Variants in RYR2 observed in about 807,000 individuals in gnomAD.
RYR2 encodes ryanodine receptor 2.
RYR2 carries 227 observed loss-of-function variants against 601.1 expected under a neutral mutation model. That is an observed-to-expected ratio of 0.38 (90% confidence interval 0.34 to 0.42). The LOEUF (loss-of-function observed/expected upper bound fraction) is 0.42. Ranked by LOEUF, RYR2 falls within the 10% of genes least tolerant of loss-of-function variation. The pLI is 1.00. For synonymous variants in RYR2, 2,223 were observed against 2,175.1 expected, an observed-to-expected ratio of 1.02 and a Z score of -0.61; for missense variants, 4,646 against 6,156.5, an observed-to-expected ratio of 0.75 and a Z score of 8.21.
chr1:237,430,593 A>G (rs1243992476), intron 12 of RYR2, among the ~76,000 whole-genome samples: 29 of 152,202 alleles, frequency 1.9e-4, no homozygotes, highest in Admixed American at 5.9e-4. Flanking sequence ...TTAACTTAAA[A>G]AATGTATCTC....
chr1:237,079,440 C>G (rs1207388792), intron 1 of RYR2, among the ~76,000 whole-genome samples: 2 of 48,510 alleles, frequency 4.1e-5, no homozygotes, highest in Admixed American at 2.7e-4. Flanking sequence ...TCTCAGGATA[C>G]AAAATCAATG....
intron 2 of RYR2, among the ~76,000 whole-genome samples, chr1:237,298,103 T>A (rs1692983564): frequency 6.6e-6 from 1 of 152,022 alleles, no homozygotes. Context: ...GGAATGGGAA[T>A]CATTTGTTCC....
At chr1:237,054,938 G>A (rs1400603282) in intron 1 of RYR2, among the ~76,000 whole-genome samples, 2 of 152,026 alleles carry the variant, frequency 1.3e-5, no homozygotes, top group Non-Finnish European at 2.9e-5. Flanking sequence ...CCTGTTCTAT[G>A]TTCAGGAGCC....
intron 29 of RYR2, among the ~76,000 whole-genome samples, chr1:237,577,305 T>C (rs1409588965): frequency 6.6e-6 from 1 of 152,212 alleles, no homozygotes; most frequent in Non-Finnish European, 1.5e-5. Flanking sequence ...GTAGGCCGAA[T>C]AATGTCCTCC....
At chr1:237,102,748 G>A (rs1668255214) in intron 1 of RYR2, among the ~76,000 whole-genome samples, 2 of 152,074 alleles carry the variant, frequency 1.3e-5, no homozygotes, top group Admixed American at 6.5e-5. Flanking sequence ...CCCGCTACTC[G>A]GGAGGCTGAG....
chr1:237,713,380 T>TTTTTTG (rs1052889377), intron 71 of RYR2, among the ~76,000 whole-genome samples: 1 of 152,072 alleles, frequency 6.6e-6, no homozygotes, highest in Non-Finnish European at 1.5e-5. Context: ...AAAAAATTAT[T>TTTTTTG]TTTTTGTTTT....
intron 2 of RYR2, among the ~76,000 whole-genome samples, chr1:237,303,292 C>CTTTTTTT (rs386370109): frequency 1.3e-4 from 11 of 85,248 alleles, no homozygotes; most frequent in South Asian, 4.7e-4. Context: ...CTGCGGTTAT[C>CTTTTTTT]TTTTTTTTTT....
chr1:237,337,886 T>C (rs886305977), intron 3 of RYR2, among the ~76,000 whole-genome samples: 1 of 152,200 alleles, frequency 6.6e-6, no homozygotes. Context: ...TAAAACAACA[T>C]ACATTTATTA....
intron 1 of RYR2, among the ~76,000 whole-genome samples, 170 bp downstream of exon 1, chr1:237,042,739 G>A (rs1660064737): frequency 6.6e-6 from 1 of 152,182 alleles, no homozygotes; most frequent in African/African-American, 2.4e-5. Flanking sequence ...AGGTGTGCGT[G>A]TTGGGGCGAG....
At chr1:237,628,344 A>G (rs890084440) in intron 41 of RYR2, among the ~76,000 whole-genome samples, 4 of 150,664 alleles carry the variant, frequency 2.7e-5, no homozygotes, top group African/African-American at 7.4e-5. Flanking sequence ...AGCATTAGGT[A>G]TATCTCCTAA....
At chr1:237,307,545 T>C (rs1186177229) in intron 2 of RYR2, among the ~76,000 whole-genome samples, 2 of 152,260 alleles carry the variant, frequency 1.3e-5, no homozygotes, top group African/African-American at 4.8e-5. Flanking sequence ...CTTCTACATA[T>C]ATTCATTGGC....
intron 1 of RYR2, among the ~76,000 whole-genome samples, chr1:237,172,149 T>C (rs899243758): frequency 6.6e-6 from 1 of 152,236 alleles, no homozygotes. Context: ...TTCTTTCTGT[T>C]AGGGAAATCT....
intron 1 of RYR2, among the ~76,000 whole-genome samples, chr1:237,178,852 T>C (rs1423155871): frequency 6.6e-6 from 1 of 152,176 alleles, no homozygotes; most frequent in African/African-American, 2.4e-5. Flanking sequence ...TTTAGGTTCT[T>C]AATTCACCAA....
At chr1:237,781,053 CT>C (rs34168790) in intron 88 of RYR2, among the ~76,000 whole-genome samples, 5,388 of 148,790 alleles carry the variant, frequency 0.036, 140 homozygotes, top group Middle Eastern at 0.084. Context: ...GGTACAAATA[CT>C]TTTTTTTTTT....
intron 17 of RYR2, among the ~76,000 whole-genome samples, chr1:237,472,291 T>C (rs1205585159): frequency 6.6e-6 from 1 of 152,196 alleles, no homozygotes; most frequent in East Asian, 1.9e-4. Context: ...TCTCCTCATC[T>C]CGTTAGTGCC....
intron 1 of RYR2, among the ~76,000 whole-genome samples, chr1:237,151,209 T>G (rs1674675011): frequency 6.6e-6 from 1 of 152,184 alleles, no homozygotes; most frequent in Non-Finnish European, 1.5e-5. Context: ...TCAGATGCAG[T>G]TCTACATTTG....
chr1:237,417,195 A>C, intron 11 of RYR2, 72 bp downstream of exon 11: 1 of 1,180,604 alleles, frequency 8.5e-7, no homozygotes, highest in South Asian at 1.3e-5. Flanking sequence ...CTTCTGTGTC[A>C]GCCTGTGATG....
At chr1:237,710,534 A>G (rs373140022) in intron 70 of RYR2, among the ~76,000 whole-genome samples, 4 of 152,166 alleles carry the variant, frequency 2.6e-5, no homozygotes, top group Non-Finnish European at 5.9e-5. Flanking sequence ...ATCACTCAGA[A>G]AGGATATATG....
At chr1:237,444,823 A>AAT (rs1226129326) in intron 13 of RYR2, among the ~76,000 whole-genome samples, 36 of 152,216 alleles carry the variant, frequency 2.4e-4, no homozygotes, top group Non-Finnish European at 4.7e-4. Flanking sequence ...AAAGAAAAGA[A>AAT]ATATATGTAT....
Sources: allele counts gnomAD v4.1 joint callset (sites outside exome capture counted in the v4.1 genomes callset), GRCh38; gene constraint gnomAD v4.1.1; transcripts MANE v1.5; gene names NCBI Gene and HGNC (gene_info 2026-07-23, HGNC 2026-07-21).